SGMS2: variants seen among roughly 807,000 people sequenced by gnomAD.
The protein encoded by SGMS2 is sphingomyelin synthase 2.
Under a neutral mutation model 43.8 loss-of-function variants are expected in SGMS2, and 21 were observed. That is an observed-to-expected ratio of 0.48 (90% confidence interval 0.34 to 0.69). The LOEUF is 0.69. Ranked by LOEUF, SGMS2 falls within the 30% of genes least tolerant of loss-of-function variation. SGMS2 has a pLI of 0.01. For missense variants in SGMS2, 384 were observed against 443.2 expected (o/e 0.87, Z 1.20); for synonymous variants, 167 against 160.6 (o/e 1.04, Z -0.30).
At chr4:107,858,013 C>T (rs1036556305) in intron 1 of SGMS2, among the ~76,000 whole-genome samples, 66 of 152,180 alleles carry the variant, frequency 4.3e-4, no homozygotes, top group African/African-American at 9.4e-4. Context: ...CTGCCCCACC[C>T]CCCCCATCCC....
intron 2 of SGMS2, among the ~76,000 whole-genome samples, chr4:107,869,237 G>A (rs999728673): frequency 6.6e-6 from 1 of 152,140 alleles, no homozygotes; most frequent in African/African-American, 2.4e-5. Flanking sequence ...CACATACCAG[G>A]GAGTTGTAGC....
At chr4:107,854,743 A>G (rs1727323721) in intron 1 of SGMS2, among the ~76,000 whole-genome samples, 1 of 152,174 alleles carries the variant, frequency 6.6e-6, no homozygotes, top group South Asian at 2.1e-4. Flanking sequence ...GTATATTTGT[A>G]TCACATTGCC....
intron 2 of SGMS2, among the ~76,000 whole-genome samples, chr4:107,860,249 A>T (rs1727649987): frequency 6.6e-6 from 1 of 152,134 alleles, no homozygotes; most frequent in Non-Finnish European, 1.5e-5. Flanking sequence ...ATAAGCTAGT[A>T]CTAAGACACT....
At chr4:107,859,208 A>G (rs1001221636) in intron 2 of SGMS2, among the ~76,000 whole-genome samples, 1 of 152,142 alleles carries the variant, frequency 6.6e-6, no homozygotes, top group East Asian at 1.9e-4. Context: ...TTTTCTTGCT[A>G]TATCTCTGGG....
intron 2 of SGMS2, chr4:107,892,927 G>A (rs781716102): frequency 1.6e-4 from 25 of 152,002 alleles, no homozygotes; most frequent in Non-Finnish European, 2.6e-4. Flanking sequence ...AATATGTTGT[G>A]ATCATTATCT....
chr4:107,914,769 G>C lies in SGMS2; in HGVS notation c.*4216G>C, dbSNP rs1305224108. 1 of 151,940 alleles carries C rather than the reference G, an allele frequency of 6.6e-6. No homozygotes were observed. The highest frequency in any genetic ancestry group is 1.5e-5 in the Non-Finnish European group (1 of 67,946). 9.4% of individuals were successfully genotyped at this position (151,940 alleles called of 1,614,324 possible). On this transcript the variant is annotated 3_prime_UTR_variant, in exon 7 of 7. Coordinates refer to ENST00000690982, the MANE Select transcript of SGMS2 (RefSeq NM_001375905.1). ...GGATTCAAATTCAGGTTCCTTTTTTGATAAAGAGGAAATTTGTTTTCCATG... is the reference window on the plus strand; with the variant it reads ...GGATTCAAATTCAGGTTCCTTTTTTCATAAAGAGGAAATTTGTTTTCCATG...
intron 2 of SGMS2, among the ~76,000 whole-genome samples, chr4:107,876,464 C>T (rs1728917532): frequency 6.6e-6 from 1 of 152,190 alleles, no homozygotes; most frequent in Admixed American, 6.5e-5. Context: ...AATCTCAAAA[C>T]AGAGAGGTAA....
chr4:107,905,035 C>G (rs1404978974), intron 5 of SGMS2, among the ~76,000 whole-genome samples: 1 of 152,070 alleles, frequency 6.6e-6, no homozygotes, highest in Admixed American at 6.6e-5. Flanking sequence ...AATAAAAACA[C>G]CCCCAGGAAA....
intron 2 of SGMS2, among the ~76,000 whole-genome samples, chr4:107,882,253 C>T (rs1729417019): frequency 6.6e-6 from 1 of 152,196 alleles, no homozygotes; most frequent in Non-Finnish European, 1.5e-5. Context: ...CCCCCATCTC[C>T]ACATCCTCAC....
intron 2 of SGMS2, among the ~76,000 whole-genome samples, chr4:107,892,285 C>G (rs965455518): frequency 2.1e-5 from 3 of 142,916 alleles, no homozygotes; most frequent in Non-Finnish European, 4.6e-5. Context: ...AACTTTAGAT[C>G]TCAACCAGAA....
chr4:107,842,469 A>G (rs1240298866), intron 1 of SGMS2, among the ~76,000 whole-genome samples: 1 of 152,210 alleles, frequency 6.6e-6, no homozygotes, highest in Non-Finnish European at 1.5e-5. Context: ...GAACCAATTC[A>G]TGAGGGATCT....
intron 5 of SGMS2, among the ~76,000 whole-genome samples, chr4:107,905,559 T>C (rs941477306): frequency 2.6e-5 from 4 of 152,204 alleles, no homozygotes; most frequent in Non-Finnish European, 5.9e-5. Flanking sequence ...GAATGCAGTA[T>C]TTTTTCCCAT....
chr4:107,910,232 G>T, intron 6 of SGMS2, 118 bp from the exon 7 acceptor site: 1 of 823,704 alleles, frequency 1.2e-6, no homozygotes, highest in Non-Finnish European at 1.9e-6. Flanking sequence ...AATCATTACT[G>T]CCATGTGATT....
intron 2 of SGMS2, chr4:107,886,633 C>T (rs1729773570): frequency 6.6e-6 from 1 of 152,072 alleles, no homozygotes; most frequent in Non-Finnish European, 1.5e-5. Context: ...CTTGGAGCTC[C>T]TAGGCCTGTC....
chr4:107,898,217 G>A (rs930822035), intron 3 of SGMS2, among the ~76,000 whole-genome samples: 2 of 151,456 alleles, frequency 1.3e-5, no homozygotes, highest in Non-Finnish European at 2.9e-5. Flanking sequence ...ATTCCTTGGG[G>A]ATAAATAAAT....
At position 107,830,507 on chromosome 4, in the gene SGMS2, T is replaced by C. The variant is rs529606792; in HGVS notation, c.-327+5254T>C. Reference sequence around the variant, plus strand: ...CCAATTTACATTCCCACCAGCAGTATATAAGTGTTCCCTTTTCTCTGCAAC... The same window carrying C: ...CCAATTTACATTCCCACCAGCAGTACATAAGTGTTCCCTTTTCTCTGCAAC... On this transcript the variant is annotated intron_variant, in intron 1 of 6. Transcript: ENST00000690982. Among the ~76,000 whole-genome samples, 7 of 152,336 alleles carry C rather than the reference T, an allele frequency of 4.6e-5. No homozygotes were observed. In the South Asian group the frequency reaches 1.4e-3, roughly 32 times the overall value.
chr4:107,860,898 A>G (rs1332123643), intron 2 of SGMS2, among the ~76,000 whole-genome samples: 1 of 152,174 alleles, frequency 6.6e-6, no homozygotes, highest in African/African-American at 2.4e-5. Context: ...ATATTTTGCC[A>G]ATTCTCATAG....
intron 1 of SGMS2, among the ~76,000 whole-genome samples, chr4:107,831,988 AAAG>A (rs1433843072): frequency 6.6e-6 from 1 of 152,204 alleles, no homozygotes. Flanking sequence ...ACTGTCCCAG[AAAG>A]TGCCCGGGCC....
At chr4:107,839,438 G>A (rs1423564779) in intron 1 of SGMS2, among the ~76,000 whole-genome samples, 1 of 151,542 alleles carries the variant, frequency 6.6e-6, no homozygotes, top group African/African-American at 2.4e-5. Flanking sequence ...TTATCCTCCT[G>A]TTGCAACACC....
Sources: gnomAD v4.1 joint callset for allele counts (sites outside exome capture counted in the v4.1 genomes callset) on GRCh38, gnomAD v4.1.1 for gene constraint, MANE v1.5 for transcripts, NCBI Gene and HGNC (gene_info 2026-07-23, HGNC 2026-07-21) for gene names.